The following ZNF880 variants were observed in gnomAD, a reference collection of about 807,000 sequenced individuals.
The protein encoded by ZNF880 is zinc finger protein LOC400713.
A neutral mutation model predicts 11.8 loss-of-function variants in ZNF880; 12 were observed. The ratio of observed to expected loss-of-function variants is 1.02; its 90% CI spans 0.65 to 1.65. ZNF880 has a LOEUF of 1.65. Among genes scored for constraint, ZNF880 ranks in the 40% most tolerant of loss-of-function variants. The probability of loss-of-function intolerance (pLI) is 0.00; values close to 1 mark genes in which losing one functional copy is unlikely to be tolerated. For synonymous variants in ZNF880, 210 were observed against 232.4 expected (o/e 0.90, Z 0.88); for missense variants, 601 against 673.9 (o/e 0.89, Z 1.20).
chr19:52,395,036 T>C, the ZNF880 span, among the ~76,000 whole-genome samples: 1 of 152,212 alleles, frequency 6.6e-6, no homozygotes. Context: ...CCTTTTGATA[T>C]ATCCAGTAAC....
chr19:52,383,706 T>C, intron 3 of ZNF880, 143 bp from the exon 4 acceptor site: 1 of 909,262 alleles, frequency 1.1e-6, no homozygotes, highest in Middle Eastern at 2.3e-4. Flanking sequence ...CCTTTTGTTT[T>C]CTGCACTGCC....
At chr19:52,390,231 C>G, downstream of ZNF880, 1 of 257,712 alleles carries the variant, frequency 3.9e-6, no homozygotes, top group Non-Finnish European at 8.2e-6. Context: ...CTGGCCCGCA[C>G]CTTTTTTAAA....
At chr19:52,391,187 G>C in the ZNF880 span, 2 of 152,966 alleles carry the variant, frequency 1.3e-5, no homozygotes, top group Non-Finnish European at 2.9e-5. Context: ...CATGGTGCTG[G>C]GAGAGCAAGA....
intron 1 of ZNF880, chr19:52,370,303 C>G: frequency 2.7e-6 from 1 of 368,196 alleles, no homozygotes; most frequent in Non-Finnish European, 5.1e-6. Context: ...CACGTCTTTC[C>G]GGTCCCCCAA....
chr19:52,377,894 G>A (rs901487306), intron 3 of ZNF880, among the ~76,000 whole-genome samples: 1 of 152,122 alleles, frequency 6.6e-6, no homozygotes, highest in East Asian at 1.9e-4. Flanking sequence ...GTCACAGGCT[G>A]TAGTGAAGTG....
chr19:52,389,158 CT>C (rs1369993702), downstream of ZNF880: 12 of 152,170 alleles, frequency 7.9e-5, no homozygotes, highest in African/African-American at 2.7e-4. Flanking sequence ...CATTTTGCCC[CT>C]GGTCCCTCCC....
In ZNF880 at chr19:52,384,798, A is replaced by G. The variant is rs1986824860; in HGVS notation, c.1218A>G (p.Gln406=). ...ATCATAGAATGCACACGGGAGAGCA[A>G]CCTTACAAATGTAATGAATGTGGCA... ...TNHHRMHTGE[Q]PYKCNECGKA... The change falls in exon 4 of 4, where the codon CAA becomes CAG. Residue 406 remains glutamine (Q), a synonymous_variant. Transcript: ENST00000422689. 5.0e-6 allele frequency: 8 copies of G among 1,610,948 alleles called. 1 individual carries two copies. Among genetic ancestry groups the G allele is most frequent in the South Asian group, 4.4e-5 (4 of 90,826 alleles).
the ZNF880 span, chr19:52,392,819 G>C: frequency 2.2e-5 from 4 of 181,294 alleles, no homozygotes; most frequent in Admixed American, 2.2e-4. Context: ...AGTGGAAGCT[G>C]TATATATATA....
At position 52,377,130 on chromosome 19, in the gene ZNF880, G is replaced by C. The variant is rs576006347; in HGVS notation, c.268+2703G>C. On this transcript the variant is annotated intron_variant, in intron 3 of 3. Transcript: ENST00000422689. ...CTGTAGTGATTTTATCTGATGCTAAGTTTATACATCAAACCTGGGGTCTGC... is the reference window on the plus strand; with the variant it reads ...CTGTAGTGATTTTATCTGATGCTAACTTTATACATCAAACCTGGGGTCTGC... Among the ~76,000 whole-genome samples the C allele has an allele frequency of 1.4e-4, 22 of 152,174 alleles. No individual in the cohort carries two copies. In the East Asian group the frequency reaches 4.2e-3, roughly 29 times the overall value.
At chr19:52,394,512 G>T in the ZNF880 span, among the ~76,000 whole-genome samples, 1 of 152,194 alleles carries the variant, frequency 6.6e-6, no homozygotes, top group African/African-American at 2.4e-5. Context: ...TGGGATTACA[G>T]GCACGAGCCA....
the ZNF880 span, chr19:52,396,280 C>G: frequency 6.6e-6 from 1 of 152,206 alleles, no homozygotes; most frequent in Non-Finnish European, 1.5e-5. Flanking sequence ...CAGATATCCC[C>G]TTTAATAAAG....
the ZNF880 span, chr19:52,396,948 G>C: frequency 6.6e-6 from 1 of 152,056 alleles, no homozygotes; most frequent in African/African-American, 2.4e-5. Flanking sequence ...ATTTTAAAAA[G>C]TATTAAAAAA....
chr19:52,378,216 G>A (rs1986608759), intron 3 of ZNF880, among the ~76,000 whole-genome samples: 2 of 152,164 alleles, frequency 1.3e-5, no homozygotes, highest in East Asian at 1.9e-4. Context: ...AGAGACCAAT[G>A]TATGCATTTC....
intron 3 of ZNF880, among the ~76,000 whole-genome samples, chr19:52,376,233 A>G (rs1168214512): frequency 6.6e-6 from 1 of 152,076 alleles, no homozygotes; most frequent in Non-Finnish European, 1.5e-5. Flanking sequence ...CCTTTAAGGA[A>G]TCTCCCCGCT....
rs111399800 is a variant in ZNF880, at chr19:52,371,872, G to A, written c.13-1239G>A. 1.3e-3 allele frequency among the ~76,000 whole-genome samples: 194 copies of A among 152,214 alleles called. 1 individual carries two copies. The highest frequency in any genetic ancestry group is 4.2e-3 in the African/African-American group (176 of 41,552). ...AGTACATGTACAACATTTAGAAAGT[G>A]CCTGTCACATGGGAGGTGTTCAAAA... is the stretch of plus-strand genomic sequence containing the variant. On this transcript the variant is annotated intron_variant, in intron 1 of 3. Transcript: ENST00000422689.
downstream of ZNF880, chr19:52,390,312 G>T: frequency 2.5e-6 from 1 of 393,340 alleles, no homozygotes; most frequent in Non-Finnish European, 5.2e-6. Flanking sequence ...AGCTCCTGGA[G>T]CGCAGCGACG....
At chr19:52,374,193 C>G (rs1028022792) in intron 2 of ZNF880, 106 bp from the exon 3 acceptor site, 2 of 1,025,626 alleles carry the variant, frequency 2.0e-6, no homozygotes, top group African/African-American at 3.3e-5. Context: ...TACAGGCACC[C>G]GCCACCACGC....
In ZNF880 at chr19:52,384,793, G is replaced by T. The variant is rs578235914; in HGVS notation, c.1213G>T (p.Glu405Ter). The T allele has an allele frequency of 6.2e-6, 10 of 1,611,066 alleles. No homozygotes were observed. Among genetic ancestry groups the T allele is most frequent in the Admixed American group, 1.7e-5 (1 of 59,818 alleles). ...CAATCATCATAGAATGCACACGGGA[G>T]AGCAACCTTACAAATGTAATGAATG... ...LTNHHRMHTG[E>*]QPYKCNECGK... Residue 405 changes from glutamate to a stop codon, truncating the protein, a stop_gained, in exon 4 of 4, where the codon GAG becomes TAG. Transcript: ENST00000422689. LOFTEE classifies it low-confidence loss of function (END_TRUNC).
At position 52,378,494 on chromosome 19, in the gene ZNF880, A is replaced by G. The variant is rs143060705; in HGVS notation, c.268+4067A>G. Among the ~76,000 whole-genome samples, 663 of 152,074 alleles carry G rather than the reference A, an allele frequency of 4.4e-3. 1 individual carries two copies. Among genetic ancestry groups the G allele is most frequent in the African/African-American group, 0.014 (591 of 41,512 alleles). On this transcript the variant is annotated intron_variant, in intron 3 of 3. Transcript: ENST00000422689. ...CCCGTCTCTACTAAGAATATAAAAAAAAATTAGCTGGGTGTGGTGGTGCAT... is the reference window on the plus strand; with the variant it reads ...CCCGTCTCTACTAAGAATATAAAAAGAAATTAGCTGGGTGTGGTGGTGCAT...
Sources: allele counts gnomAD v4.1 joint callset (sites outside exome capture counted in the v4.1 genomes callset), GRCh38; gene constraint gnomAD v4.1.1; transcripts MANE v1.5; gene names NCBI Gene and HGNC (gene_info 2026-07-23, HGNC 2026-07-21).